Variants in DCUN1D2 observed in about 807,000 individuals in gnomAD.
DCUN1D2 encodes DCN1-like protein 2.
In DCUN1D2, 29 loss-of-function variants were observed where a neutral mutation model predicts 30.9. The observed-to-expected ratio is 0.94, with a 90% confidence interval of 0.70 to 1.28. The LOEUF (loss-of-function observed/expected upper bound fraction) is 1.28, where lower values mean the gene tolerates loss of function less well. Among genes scored for constraint, DCUN1D2 ranks in the 50% most tolerant of loss-of-function variants. The pLI is 0.00. For synonymous variants in DCUN1D2, 121 were observed against 115.3 expected, an observed-to-expected ratio of 1.05 and a Z score of -0.32; for missense variants, 325 against 316.9, an observed-to-expected ratio of 1.03 and a Z score of -0.19.
intron 1 of DCUN1D2, among the ~76,000 whole-genome samples, chr13:113,485,024 G>C: frequency 6.6e-6 from 1 of 152,134 alleles, no homozygotes; most frequent in Non-Finnish European, 1.5e-5. Context: ...ATTGCAGCGA[G>C]CTGAGATCGT....
intron 4 of DCUN1D2, among the ~76,000 whole-genome samples, chr13:113,468,043 TAAAAAAA>T (rs59075073): frequency 2.1e-5 from 2 of 97,206 alleles, no homozygotes; most frequent in African/African-American, 8.0e-5. Context: ...GGATCCATCT[TAAAAAAA>T]AAAAAAAAAA....
At chr13:113,465,434 G>C (rs915588545) in intron 4 of DCUN1D2, among the ~76,000 whole-genome samples, 1 of 151,846 alleles carries the variant, frequency 6.6e-6, no homozygotes, top group Non-Finnish European at 1.5e-5. Flanking sequence ...AAAAGTGTGA[G>C]AAGCAGCATT....
At chr13:113,474,382 TC>T in intron 3 of DCUN1D2, 128 bp from the exon 4 acceptor site, 1 of 1,311,638 alleles carries the variant, frequency 7.6e-7, no homozygotes, top group Non-Finnish European at 1.0e-6. Flanking sequence ...CAACTTCCTT[TC>T]CCAGGCGCGG....
chr13:113,481,371 G>C (rs140999020), intron 2 of DCUN1D2, among the ~76,000 whole-genome samples: 1 of 152,116 alleles, frequency 6.6e-6, no homozygotes, highest in Non-Finnish European at 1.5e-5. Flanking sequence ...ATATATTTAA[G>C]GCATCCCAGC....
chr13:113,462,887 T>A lies in DCUN1D2; in HGVS notation c.521-1751A>T, dbSNP rs35968332. 1.9e-3 allele frequency: 2,375 copies of A among 1,256,296 alleles called. 39 individuals are homozygous for A. The African/African-American group carries it at 0.034, about 18-fold the overall frequency. 77.8% of individuals were successfully genotyped at this position (1,256,296 alleles called of 1,614,324 possible). On this transcript the variant is annotated intron_variant, in intron 4 of 6. Coordinates refer to ENST00000478244, the MANE Select transcript of DCUN1D2 (RefSeq NM_001014283.2). The stretch of plus-strand genomic sequence containing the variant: ...AAGCTTTCACATTGAGAAATGGAGG[T>A]GAACCTGGGGAGGAAAAAAAAATAA...
At chr13:113,464,683 G>C (rs970823187) in intron 4 of DCUN1D2, among the ~76,000 whole-genome samples, 32 of 152,266 alleles carry the variant, frequency 2.1e-4, no homozygotes, top group African/African-American at 6.5e-4. Context: ...AGGCCCACGT[G>C]GGGCAGCTGG....
intron 4 of DCUN1D2, among the ~76,000 whole-genome samples, chr13:113,468,263 C>T (rs553480152): frequency 2.0e-5 from 3 of 151,982 alleles, no homozygotes; most frequent in South Asian, 2.1e-4. Context: ...TTATACCAAG[C>T]GGAATGAGCT....
intron 3 of DCUN1D2, among the ~76,000 whole-genome samples, chr13:113,480,012 C>T (rs954453226): frequency 2.0e-5 from 3 of 152,026 alleles, no homozygotes; most frequent in African/African-American, 4.8e-5. Flanking sequence ...CACTGTTGAC[C>T]GAAATGTCAT....
chr13:113,480,280 C>G (rs1377334554), intron 3 of DCUN1D2, among the ~76,000 whole-genome samples: 1 of 151,666 alleles, frequency 6.6e-6, no homozygotes, highest in African/African-American at 2.4e-5. Context: ...ATGAACTGAA[C>G]CTGGCATTTA....
At position 113,474,166 on chromosome 13, in the gene DCUN1D2, A is replaced by G. The variant is rs760300930; in HGVS notation, c.478T>C (p.Phe160Leu). The change falls in exon 4 of 7, where the codon TTT becomes CTT. Residue 160 changes from phenylalanine to leucine, a missense_variant. Physicochemically the swap from Phe to Leu is conservative, Grantham distance 22. Transcript: ENST00000478244. ...DTAKFKDFYQFTFTFAKNPGQ... is the reference protein window; with the variant it reads ...DTAKFKDFYQLTFTFAKNPGQ... ...GGGTTCTTAGCGAAGGTGAAGGTAA[A>G]CTGATAAAAATCTTTAAACTTGGCT... is the stretch of plus-strand genomic sequence containing the variant. 1 of 1,614,148 alleles carries G rather than the reference A, an allele frequency of 6.2e-7. No homozygotes were observed. Among genetic ancestry groups the G allele is most frequent in the East Asian group, 2.2e-5 (1 of 44,884 alleles).
At position 113,484,135 on chromosome 13, in the gene DCUN1D2, T is replaced by A. The variant is rs895486279; in HGVS notation, c.4-79A>T. 21 of 1,585,060 alleles carry A rather than the reference T, an allele frequency of 1.3e-5. No individual in the cohort carries two copies. In the East Asian group the frequency reaches 4.7e-4, roughly 36 times the overall value. On this transcript the variant is annotated intron_variant, in intron 1 of 6. Transcript: ENST00000478244. ...CAGCTTTAGCCTAACGCCTGCACTT[T>A]AACTGGGCAGAATTAGAGACAAAGC...
In DCUN1D2 at chr13:113,484,024, G is replaced by A. The variant is rs749970867; in HGVS notation, c.36C>T (p.Val12=). 6.2e-7 allele frequency: 1 copy of A among 1,614,060 alleles called. No homozygotes were observed. The highest frequency in any genetic ancestry group is 1.1e-5 in the South Asian group (1 of 91,072). ...CCTGAGTGCACGCCATAAACTGGCG[G>A]ACCTTGTCCTTCTGAGACGATTTAA... ...HKLKSSQKDK[V]RQFMACTQAG... Residue 12 remains valine, a synonymous_variant, in exon 2 of 7, where the codon GTC becomes GTT. Transcript: ENST00000478244.
chr13:113,469,599 G>C (rs1449858809), intron 4 of DCUN1D2, among the ~76,000 whole-genome samples: 1 of 151,942 alleles, frequency 6.6e-6, no homozygotes, highest in African/African-American at 2.4e-5. Context: ...GAGGATCACT[G>C]AAACCCAGGA....
At position 113,488,006 on chromosome 13, in the gene DCUN1D2, G is replaced by A. The variant is rs2044838406; in HGVS notation, c.3+2661C>T. 6.6e-6 allele frequency among the ~76,000 whole-genome samples: 1 copy of A among 152,174 alleles called. No homozygotes were observed. Among genetic ancestry groups the A allele is most frequent in the Non-Finnish European group, 1.5e-5 (1 of 68,036 alleles). ...GTGCAAATCTGGAAGATATGATGGT[G>A]TCTGATCTTGAGCTCCTGCCGATAA... On this transcript the variant is annotated intron_variant, in intron 1 of 6. Coordinates refer to ENST00000478244, the MANE Select transcript of DCUN1D2 (RefSeq NM_001014283.2). This position sits in a 1 kb window ranked among gnomAD's most constrained non-coding sequence, Gnocchi z 4.3.
chr13:113,477,636 T>A (rs1026977748), intron 3 of DCUN1D2, among the ~76,000 whole-genome samples: 3 of 152,224 alleles, frequency 2.0e-5, no homozygotes, highest in Admixed American at 2.0e-4. Context: ...GTATAATGTT[T>A]TCCATAGGAA....
intron 4 of DCUN1D2, among the ~76,000 whole-genome samples, chr13:113,469,120 G>A (rs945368083): frequency 1.7e-4 from 25 of 148,190 alleles, no homozygotes; most frequent in Non-Finnish European, 7.4e-5. Context: ...CAGCAAAGCC[G>A]ACATTTCTGT....
chr13:113,462,910 T>TA (rs945919159), intron 4 of DCUN1D2: 21 of 1,238,590 alleles, frequency 1.7e-5, no homozygotes, highest in Non-Finnish European at 2.1e-5. Flanking sequence ...GAAAAAAAAA[T>TA]AAAGTTTTAT....
At chr13:113,479,540 C>A (rs1033534914) in intron 3 of DCUN1D2, among the ~76,000 whole-genome samples, 1 of 152,086 alleles carries the variant, frequency 6.6e-6, no homozygotes, top group Non-Finnish European at 1.5e-5. Context: ...GGTGGTGTGT[C>A]CCCTGAAGTC....
intron 2 of DCUN1D2, among the ~76,000 whole-genome samples, chr13:113,481,589 A>C (rs1407152441): frequency 1.3e-5 from 2 of 152,218 alleles, no homozygotes; most frequent in Admixed American, 6.5e-5. Context: ...ATAGTTACCA[A>C]AGAAAAATTG....
Sources: gnomAD v4.1 joint callset for allele counts (sites outside exome capture counted in the v4.1 genomes callset) on GRCh38, gnomAD v4.1.1 for gene constraint, Gnocchi (gnomAD v3.1) non-coding constraint, MANE v1.5 for transcripts, NCBI Gene and HGNC (gene_info 2026-07-23, HGNC 2026-07-21) for gene names.